The following UNC13C variants were observed in gnomAD, a reference collection of about 807,000 sequenced individuals.
UNC13C encodes protein unc-13 homolog C.
UNC13C carries 174 observed loss-of-function variants against 245.4 expected under a neutral mutation model. That is an observed-to-expected ratio of 0.71 (90% CI 0.63 to 0.80). The LOEUF (loss-of-function observed/expected upper bound fraction) is 0.80, where lower values mean the gene tolerates loss of function less well. Ranked by LOEUF, UNC13C falls within the 30% of genes least tolerant of loss-of-function variation. The probability of loss-of-function intolerance (pLI) is 0.00; values close to 1 mark genes in which losing one functional copy is unlikely to be tolerated. For missense variants in UNC13C, 2,829 were observed against 2,602.9 expected, an observed-to-expected ratio of 1.09 and a Z score of -1.89; for synonymous variants, 992 against 895.1, an observed-to-expected ratio of 1.11 and a Z score of -1.93.
intron 4 of UNC13C, among the ~76,000 whole-genome samples, chr15:54,149,311 G>A (rs2141247709): frequency 6.6e-6 from 1 of 152,264 alleles, no homozygotes; most frequent in African/African-American, 2.4e-5. Context: ...CTTTTAGTTA[G>A]TTATTTTTAG....
chr15:54,598,526 C>A (rs1380656533), intron 30 of UNC13C, among the ~76,000 whole-genome samples: 1 of 152,178 alleles, frequency 6.6e-6, no homozygotes, highest in Non-Finnish European at 1.5e-5. Flanking sequence ...CACATAGGAT[C>A]TGGGTGGAAT....
intron 17 of UNC13C, among the ~76,000 whole-genome samples, chr15:54,347,934 T>C (rs2038895290): frequency 6.6e-6 from 1 of 152,192 alleles, no homozygotes; most frequent in African/African-American, 2.4e-5. Context: ...TTATTTGTGA[T>C]ACAGTCTTTA....
chr15:53,852,022 A>T, the UNC13C span, among the ~76,000 whole-genome samples: 1 of 152,206 alleles, frequency 6.6e-6, no homozygotes, highest in Non-Finnish European at 1.5e-5. Flanking sequence ...GGATCCAAAG[A>T]GGGAGCTGTG....
intron 10 of UNC13C, among the ~76,000 whole-genome samples, chr15:54,288,759 G>T (rs931836149): frequency 4.6e-5 from 7 of 152,064 alleles, no homozygotes; most frequent in African/African-American, 1.7e-4. Context: ...GTTTCCTGGA[G>T]AATTTACTAG....
At position 54,379,321 on chromosome 15, in the gene UNC13C, A is replaced by G. The variant is rs574990695; in HGVS notation, c.4714-13727A>G. On this transcript the variant is annotated intron_variant, in intron 17 of 32. Transcript: ENST00000260323. Reference sequence around the variant, plus strand: ...AATTAGGGAATTGTGTGTAGTTGGAAATTCATCAGGTCTGAAGGTGAAAGA... The same window carrying G: ...AATTAGGGAATTGTGTGTAGTTGGAGATTCATCAGGTCTGAAGGTGAAAGA... Among the ~76,000 whole-genome samples, 10 of 152,202 alleles carry G rather than the reference A, an allele frequency of 6.6e-5. No individual in the cohort carries two copies. The East Asian group carries it at 1.9e-3, about 29-fold the overall frequency.
intron 2 of UNC13C, among the ~76,000 whole-genome samples, chr15:54,016,713 C>G (rs751992748): frequency 1.3e-5 from 2 of 152,136 alleles, no homozygotes; most frequent in South Asian, 2.1e-4. Flanking sequence ...ATTTCTCAAC[C>G]CAACTTCCTC....
At chr15:54,335,306 TC>T (rs756410012) in intron 16 of UNC13C, among the ~76,000 whole-genome samples, 1 of 152,154 alleles carries the variant, frequency 6.6e-6, no homozygotes, top group African/African-American at 2.4e-5. Context: ...CCAGTTCATT[TC>T]CCTTAATAGC....
At chr15:54,515,450 T>A (rs1894927205) in intron 24 of UNC13C, among the ~76,000 whole-genome samples, 1 of 152,198 alleles carries the variant, frequency 6.6e-6, no homozygotes, top group Admixed American at 6.5e-5. Flanking sequence ...ATTACTTAGC[T>A]TGTATTCATT....
chr15:54,276,270 A>G (rs1310853252), intron 10 of UNC13C, among the ~76,000 whole-genome samples: 2 of 152,134 alleles, frequency 1.3e-5, no homozygotes, highest in Non-Finnish European at 2.9e-5. Context: ...AATATTGTAC[A>G]TTTCAAATGT....
intron 2 of UNC13C, among the ~76,000 whole-genome samples, chr15:54,053,365 T>A (rs1897355643): frequency 6.6e-6 from 1 of 152,180 alleles, no homozygotes; most frequent in Non-Finnish European, 1.5e-5. Context: ...GAATGTGTTC[T>A]AGAACTTTGA....
intron 26 of UNC13C, among the ~76,000 whole-genome samples, chr15:54,533,709 G>T (rs952383702): frequency 6.6e-6 from 1 of 152,064 alleles, no homozygotes; most frequent in Non-Finnish European, 1.5e-5. Flanking sequence ...AAGTTTGGTT[G>T]GTTGCTCTGT....
rs188422366 is a variant in UNC13C at position 54,610,816 on chromosome 15, C to T, written c.6107-11511C>T. Among the ~76,000 whole-genome samples the T allele has an allele frequency of 3.3e-3, 497 of 152,304 alleles. 5 individuals carry two copies. The highest frequency in any genetic ancestry group is 7.7e-4 in the East Asian group (4 of 5,182). On this transcript the variant is annotated intron_variant, in intron 30 of 32. Coordinates refer to ENST00000260323, the MANE Select transcript of UNC13C (RefSeq NM_001080534.3). ...AGGCAGTATGGCCCAGAGACCATCA[C>T]GTACCTTTTACATACACTGCATCAC...
intron 4 of UNC13C, among the ~76,000 whole-genome samples, chr15:54,192,745 C>G (rs1478285455): frequency 6.6e-6 from 1 of 152,116 alleles, no homozygotes; most frequent in Non-Finnish European, 1.5e-5. Flanking sequence ...AGCTGTAGCA[C>G]TACTCGGCTT....
the UNC13C span, among the ~76,000 whole-genome samples, chr15:53,950,859 A>G: frequency 6.6e-6 from 1 of 152,330 alleles, no homozygotes; most frequent in Non-Finnish European, 1.5e-5. Context: ...GAAGCCAACT[A>G]AGACAAGTCC....
chr15:54,315,656 T>C (rs2037989243), intron 13 of UNC13C, among the ~76,000 whole-genome samples: 1 of 151,736 alleles, frequency 6.6e-6, no homozygotes, highest in Non-Finnish European at 1.5e-5. Flanking sequence ...GTTTAGTCCA[T>C]GTCTCCAAAA....
intron 2 of UNC13C, among the ~76,000 whole-genome samples, chr15:54,086,075 C>T (rs1440660701): frequency 6.6e-6 from 1 of 152,150 alleles, no homozygotes; most frequent in Admixed American, 6.5e-5. Flanking sequence ...GTGTTGTAAA[C>T]ACTCACAATC....
intron 2 of UNC13C, among the ~76,000 whole-genome samples, chr15:54,064,187 GT>G (rs1897970337): frequency 6.6e-6 from 1 of 151,894 alleles, no homozygotes; most frequent in Non-Finnish European, 1.5e-5. Context: ...GCAGAAAATT[GT>G]TCAGAGTCAC....
intron 2 of UNC13C, among the ~76,000 whole-genome samples, chr15:54,118,263 A>C (rs1426722709): frequency 6.6e-6 from 1 of 152,102 alleles, no homozygotes; most frequent in Non-Finnish European, 1.5e-5. Flanking sequence ...TCATTTTAAC[A>C]ATATTACTTC....
chr15:54,100,501 GC>G (rs930322448), intron 2 of UNC13C, among the ~76,000 whole-genome samples: 7 of 151,984 alleles, frequency 4.6e-5, no homozygotes, highest in African/African-American at 1.2e-4. Context: ...TTTGACCTGG[GC>G]CCCTTTCTCT....
Sources: gnomAD v4.1 joint callset for allele counts (sites outside exome capture counted in the v4.1 genomes callset) on GRCh38, gnomAD v4.1.1 for gene constraint, MANE v1.5 for transcripts, NCBI Gene and HGNC (gene_info 2026-07-23, HGNC 2026-07-21) for gene names.